Variants in SNX8 observed in about 807,000 individuals in gnomAD.
The protein encoded by SNX8 is sorting nexin 8.
SNX8 carries 25 observed loss-of-function variants against 51.6 expected under a neutral mutation model. That is an observed-to-expected ratio of 0.48 (90% confidence interval 0.35 to 0.68). The LOEUF is 0.68. Among genes scored for constraint, SNX8 ranks in the 30% least tolerant of loss-of-function variants. The pLI, the probability that SNX8 is intolerant of heterozygous loss-of-function variation, is 0.00. For missense variants in SNX8, 695 were observed against 624.0 expected (o/e 1.11, Z -1.21); for synonymous variants, 324 against 277.0 (o/e 1.17, Z -1.68).
chr7:2,330,649 C>A (rs1778713503), intron 1 of SNX8, among the ~76,000 whole-genome samples: 1 of 152,040 alleles, frequency 6.6e-6, no homozygotes, highest in Non-Finnish European at 1.5e-5. Context: ...TGGTATCCAG[C>A]TCTATCTCCA....
At chr7:2,322,965 C>T (rs866515336) in intron 1 of SNX8, among the ~76,000 whole-genome samples, 10 of 151,524 alleles carry the variant, frequency 6.6e-5, no homozygotes, top group Admixed American at 2.0e-4. Flanking sequence ...TGCAGTAAGC[C>T]GAGATCTTGC....
intron 4 of SNX8, among the ~76,000 whole-genome samples, chr7:2,271,204 T>C (rs778697468): frequency 6.6e-5 from 10 of 152,346 alleles, no homozygotes; most frequent in Non-Finnish European, 1.3e-4. Context: ...CCACCATGCC[T>C]GGCCTCAGTT....
Position 2,314,312 on chromosome 7 carries a change from C to G in SNX8, c.94+16G>C. ...CGCCCTGGGCAGGTGGGGGCTACCG[C>G]CGCCCCACGCCCTACCTGACGCCGG... On this transcript the variant is annotated intron_variant, in intron 1 of 10. Transcript: ENST00000222990. The G allele has an allele frequency of 1.6e-6, 2 of 1,220,830 alleles. No individual in the cohort carries two copies. The highest frequency in any genetic ancestry group is 2.0e-6 in the Non-Finnish European group (2 of 980,738). The allele number at this position is 1,220,830 out of a possible 1,614,324, so 75.6% of individuals were successfully genotyped here.
At chr7:2,303,960 TAATAATA>T (rs1256829266) in intron 1 of SNX8, among the ~76,000 whole-genome samples, 1 of 144,942 alleles carries the variant, frequency 6.9e-6, no homozygotes, top group African/African-American at 2.6e-5. Context: ...AAAAAAATAA[TAATAATA>T]AATAAAAAAT....
upstream of SNX8, among the ~76,000 whole-genome samples, chr7:2,318,500 G>A (rs986492913): frequency 5.4e-5 from 8 of 147,612 alleles, no homozygotes; most frequent in East Asian, 2.0e-4. Flanking sequence ...CTCCAGCCTC[G>A]GCAAAAGAGC....
At chr7:2,260,940 A>G (rs1376732753) in intron 7 of SNX8, among the ~76,000 whole-genome samples, 1 of 152,210 alleles carries the variant, frequency 6.6e-6, no homozygotes, top group Admixed American at 6.5e-5. Context: ...CCAGGGCTGA[A>G]TCAGAAAAAA....
At chr7:2,324,448 G>A (rs534252850) in intron 1 of SNX8, among the ~76,000 whole-genome samples, 24 of 151,786 alleles carry the variant, frequency 1.6e-4, no homozygotes, top group Non-Finnish European at 3.1e-4. Flanking sequence ...GCGCCACCAC[G>A]CCTGGCTAAT....
At chr7:2,273,892 A>G (rs1182856773) in intron 3 of SNX8, among the ~76,000 whole-genome samples, 2 of 151,240 alleles carry the variant, frequency 1.3e-5, no homozygotes, top group African/African-American at 4.9e-5. Context: ...CGACAGAGCG[A>G]GACTCCATGT....
At chr7:2,269,779 T>C in intron 4 of SNX8, 140 bp from the exon 5 acceptor site, 3 of 522,148 alleles carry the variant, frequency 5.7e-6, no homozygotes, top group Non-Finnish European at 1.0e-5. Context: ...ACATTAGTAT[T>C]CTGCAATCTC....
intron 1 of SNX8, among the ~76,000 whole-genome samples, chr7:2,305,501 T>A (rs1255520549): frequency 6.6e-6 from 1 of 151,962 alleles, no homozygotes; most frequent in Non-Finnish European, 1.5e-5. Context: ...GTAGCTGGGA[T>A]TACAGGCACC....
At chr7:2,352,107 C>T (rs1779154976) in intron 1 of SNX8, among the ~76,000 whole-genome samples, 1 of 151,732 alleles carries the variant, frequency 6.6e-6, no homozygotes, top group African/African-American at 2.4e-5. Context: ...GGGGTTTCAC[C>T]ATGTTGTTCA....
In SNX8 at chr7:2,252,140, A is replaced by T. The variant is rs1353388221; in HGVS notation, c.*2916T>A. The T allele has an allele frequency of 7.5e-6, 1 of 132,604 alleles. No homozygotes were observed. The highest frequency in any genetic ancestry group is 1.7e-5 in the Non-Finnish European group (1 of 59,704). The allele number at this position is 132,604 out of a possible 1,614,324, so 8.2% of individuals were successfully genotyped here. A position where few individuals can be genotyped will look rare whatever the true frequency, so the allele number is the denominator to read the frequency against. On this transcript the variant is annotated 3_prime_UTR_variant, in exon 11 of 11. Transcript: ENST00000222990. ...CCCCTTCCCACAGCCCCGCCAGCCC[A>T]CAACCCCCCTCCCACGGCCCCGCCA...
At chr7:2,313,761 C>CT (rs1258544243) in intron 1 of SNX8, among the ~76,000 whole-genome samples, 4 of 152,244 alleles carry the variant, frequency 2.6e-5, no homozygotes, top group Admixed American at 2.6e-4. Flanking sequence ...CTTTGGGAGG[C>CT]TAAGGCGGAG....
intron 5 of SNX8, among the ~76,000 whole-genome samples, chr7:2,268,326 G>A (rs1409449511): frequency 6.9e-6 from 1 of 144,644 alleles, no homozygotes; most frequent in African/African-American, 2.6e-5. Flanking sequence ...TCTGAGAAGT[G>A]AGGAGCCCCT....
At chr7:2,343,353 G>C (rs1187132267) in intron 1 of SNX8, among the ~76,000 whole-genome samples, 1 of 151,972 alleles carries the variant, frequency 6.6e-6, no homozygotes, top group African/African-American at 2.4e-5. Flanking sequence ...CATATACAAA[G>C]TTTAAAGACT....
At position 2,278,234 on chromosome 7, in the gene SNX8, T is replaced by C. The variant is rs1320957919; in HGVS notation, c.166A>G (p.Met56Val). ...AGCAGCAGCGGGTTCCCCTGCGGCA[T>C]CTGCATTCGACTGGGGGCTGGGACC... ...QQVPAPSRMQ[M>V]PQGNPLLLSH... Residue 56 changes from methionine to valine, a missense_variant, in exon 2 of 11, where the codon ATG becomes GTG. By Grantham distance (21) the Met-to-Val change is conservative (BLOSUM62 1). Transcript: ENST00000222990. 2 of 1,612,102 alleles carry C rather than the reference T, an allele frequency of 1.2e-6. No individual in the cohort carries two copies. The highest frequency in any genetic ancestry group is 1.7e-5 in the Admixed American group (1 of 59,920).
chr7:2,351,071 T>C (rs1779128265), intron 1 of SNX8, among the ~76,000 whole-genome samples: 1 of 152,098 alleles, frequency 6.6e-6, no homozygotes, highest in African/African-American at 2.4e-5. Flanking sequence ...GAGCCATGAT[T>C]GCGCCACTGT....
chr7:2,344,569 G>A (rs1032153239), intron 1 of SNX8, among the ~76,000 whole-genome samples: 1 of 144,604 alleles, frequency 6.9e-6, no homozygotes, highest in Non-Finnish European at 1.5e-5. Context: ...CCGAGATCGC[G>A]CCACTGCACT....
At chr7:2,309,937 T>C in intron 1 of SNX8, 1 of 462,194 alleles carries the variant, frequency 2.2e-6, no homozygotes, top group Non-Finnish European at 4.4e-6. Context: ...TGGACCTGCC[T>C]CAATGACACT....
Sources: gnomAD v4.1 joint callset for allele counts (sites outside exome capture counted in the v4.1 genomes callset) on GRCh38, gnomAD v4.1.1 for gene constraint, MANE v1.5 for transcripts, NCBI Gene and HGNC (gene_info 2026-07-23, HGNC 2026-07-21) for gene names.